The following ZNF611 variants were observed in gnomAD, a reference collection of about 807,000 sequenced individuals.
ZNF611 encodes zinc finger protein 611.
Under a neutral mutation model 8.9 loss-of-function variants are expected in ZNF611, and 6 were observed. That is an observed-to-expected ratio of 0.68 (90% confidence interval 0.37 to 1.34). The LOEUF (loss-of-function observed/expected upper bound fraction) is 1.34. Among genes scored for constraint, ZNF611 ranks in the 40% most tolerant of loss-of-function variants. The pLI is 0.02. For missense variants in ZNF611, 874 were observed against 841.3 expected (o/e 1.04, Z -0.48); for synonymous variants, 262 against 279.7 (o/e 0.94, Z 0.63).
At chr19:52,711,687 A>T (rs2062281181) in intron 5 of ZNF611, among the ~76,000 whole-genome samples, 1 of 152,134 alleles carries the variant, frequency 6.6e-6, no homozygotes, top group Non-Finnish European at 1.5e-5. Flanking sequence ...CTGAGTCATG[A>T]TGTCCTGCAC....
intron 1 of ZNF611, among the ~76,000 whole-genome samples, chr19:52,730,421 A>C (rs1053757733): frequency 1.6e-5 from 2 of 127,566 alleles, no homozygotes; most frequent in East Asian, 2.2e-4. Context: ...AAAAAAAAAA[A>C]AAACATGATG....
At chr19:52,731,875 G>GT (rs1274491767) in intron 1 of ZNF611, among the ~76,000 whole-genome samples, 14 of 152,118 alleles carry the variant, frequency 9.2e-5, no homozygotes, top group Admixed American at 2.0e-4. Context: ...GGAGGCTGAG[G>GT]CAGTAGAATC....
At chr19:52,712,650 A>C (rs1381565390) in intron 5 of ZNF611, among the ~76,000 whole-genome samples, 6 of 150,838 alleles carry the variant, frequency 4.0e-5, no homozygotes, top group Non-Finnish European at 1.5e-5. Context: ...AAAAAAAAAA[A>C]GAAAGAAACT....
chr19:52,720,220 TCC>T (rs2062345959), intron 3 of ZNF611, among the ~76,000 whole-genome samples: 1 of 152,176 alleles, frequency 6.6e-6, no homozygotes, highest in Non-Finnish European at 1.5e-5. Flanking sequence ...TCTCCACATT[TCC>T]CCCTTTTCTT....
At chr19:52,727,304 T>C (rs1171169504) in intron 3 of ZNF611, among the ~76,000 whole-genome samples, 1 of 152,206 alleles carries the variant, frequency 6.6e-6, no homozygotes, top group Non-Finnish European at 1.5e-5. Context: ...AAATAAGCTT[T>C]AGACCAGAAT....
intron 3 of ZNF611, among the ~76,000 whole-genome samples, chr19:52,716,579 G>T (rs561593218): frequency 6.6e-6 from 1 of 152,164 alleles, no homozygotes; most frequent in Non-Finnish European, 1.5e-5. Flanking sequence ...TGTGGAGAAG[G>T]GGTAGGGTGA....
At chr19:52,734,187 GTTTT>G (rs532673029) in intron 1 of ZNF611, among the ~76,000 whole-genome samples, 8 of 84,658 alleles carry the variant, frequency 9.4e-5, no homozygotes, top group Admixed American at 4.7e-4. Context: ...GCTTTCTTAG[GTTTT>G]TTTTTTTTTT....
chr19:52,713,889 C>T (rs1028562382), intron 5 of ZNF611, 126 bp downstream of exon 5: 2 of 1,539,586 alleles, frequency 1.3e-6, no homozygotes, highest in Non-Finnish European at 1.7e-6. Flanking sequence ...GAAACACCAT[C>T]TCAAAAACAA....
At chr19:52,716,425 G>A (rs2062317775) in intron 3 of ZNF611, among the ~76,000 whole-genome samples, 1 of 152,212 alleles carries the variant, frequency 6.6e-6, no homozygotes, top group Non-Finnish European at 1.5e-5. Flanking sequence ...ACTCTAACGT[G>A]AAGCCAGGGT....
intron 2 of ZNF611, among the ~76,000 whole-genome samples, chr19:52,729,326 TAAGAA>T (rs1183384139): frequency 1.3e-5 from 2 of 150,586 alleles, no homozygotes; most frequent in African/African-American, 4.9e-5. Context: ...ACAAAGAAGA[TAAGAA>T]AAGATTACAA....
chr19:52,726,002 A>G (rs549961932), intron 3 of ZNF611, among the ~76,000 whole-genome samples: 10 of 152,372 alleles, frequency 6.6e-5, no homozygotes, highest in South Asian at 6.2e-4. Context: ...CCCTGGAATT[A>G]TCTGGAACGG....
At chr19:52,707,188 T>C (rs775907641) in intron 5 of ZNF611, among the ~76,000 whole-genome samples, 7 of 149,948 alleles carry the variant, frequency 4.7e-5, no homozygotes, top group Non-Finnish European at 8.9e-5. Context: ...CACCATCACA[T>C]CGGTGAAGAG....
intron 5 of ZNF611, among the ~76,000 whole-genome samples, chr19:52,709,284 A>AT (rs952755727): frequency 8.8e-5 from 13 of 147,090 alleles, no homozygotes; most frequent in African/African-American, 2.8e-4. Context: ...TTATTTATTT[A>AT]TTTTTTGAGA....
rs563340401 is a variant in ZNF611, at chr19:52,712,906, G to A, written c.190+1109C>T. ...ATTATTCAGCCTTAAAAACAAACTC[G>A]GAAGGGGCCAGGGGCTGTGGCTCAT... On this transcript the variant is annotated intron_variant, in intron 5 of 5. Transcript: ENST00000652185. Among the ~76,000 whole-genome samples the A allele has an allele frequency of 2.5e-3, 387 of 152,272 alleles. 3 individuals are homozygous for A. The highest frequency in any genetic ancestry group is 8.9e-3 in the African/African-American group (371 of 41,564).
intron 4 of ZNF611, 87 bp downstream of exon 4, chr19:52,715,745 T>C: frequency 1.3e-6 from 2 of 1,583,196 alleles, no homozygotes; most frequent in South Asian, 2.2e-5. Flanking sequence ...ACAAGATGCT[T>C]CAGACTCAGA....
rs574509484 is a variant in ZNF611, at chr19:52,710,226, ATTT to A, written c.191-3365_191-3363del. Reference sequence around the variant, plus strand: ...AGACACATGCCACCATGCCTGGCTAATTTTTTTTTTTTTTTTTTTTGGGAAACA... The same window carrying A: ...AGACACATGCCACCATGCCTGGCTAATTTTTTTTTTTTTTTTTGGGAAACA... On this transcript the variant is annotated intron_variant, in intron 5 of 5. Coordinates refer to ENST00000652185, the MANE Select transcript of ZNF611 (RefSeq NM_001161499.2). 2.7e-3 allele frequency among the ~76,000 whole-genome samples: 359 copies of A among 132,494 alleles called. 1 individual carries two copies. The highest frequency in any genetic ancestry group is 4.6e-3 in the Admixed American group (60 of 12,964). 86.9% of individuals were successfully genotyped at this position (132,494 alleles called of 152,430 possible). A position where few individuals can be genotyped will look rare whatever the true frequency, so the allele number is the denominator to read the frequency against.
At chr19:52,732,347 T>G (rs2062431008) in intron 1 of ZNF611, among the ~76,000 whole-genome samples, 1 of 136,540 alleles carries the variant, frequency 7.3e-6, no homozygotes, top group South Asian at 2.3e-4. Context: ...TTATTCTGAA[T>G]AACTCACAGT....
intron 3 of ZNF611, among the ~76,000 whole-genome samples, chr19:52,722,524 C>G (rs1165450207): frequency 6.6e-6 from 1 of 152,222 alleles, no homozygotes; most frequent in African/African-American, 2.4e-5. Context: ...GAGTAAGTCA[C>G]TGCCCTCGGG....
intron 3 of ZNF611, among the ~76,000 whole-genome samples, chr19:52,720,327 C>A (rs967498276): frequency 2.0e-5 from 3 of 152,232 alleles, no homozygotes; most frequent in Non-Finnish European, 4.4e-5. Context: ...GAAGATTGCA[C>A]AGCGGCCAGG....
Sources: gnomAD v4.1 joint callset for allele counts (sites outside exome capture counted in the v4.1 genomes callset) on GRCh38, gnomAD v4.1.1 for gene constraint, MANE v1.5 for transcripts, NCBI Gene and HGNC (gene_info 2026-07-23, HGNC 2026-07-21) for gene names.